Variants in LRRC20 observed in about 807,000 individuals in gnomAD.
LRRC20 encodes leucine rich repeat containing 20.
LRRC20 carries 11 observed loss-of-function variants against 14.4 expected under a neutral mutation model. The observed-to-expected ratio is 0.77, with a 90% CI of 0.48 to 1.27. LRRC20 has a LOEUF of 1.27. Ranked by LOEUF, LRRC20 falls within the 50% of genes most tolerant of loss-of-function variation. LRRC20 has a pLI of 0.00. For synonymous variants in LRRC20, 121 were observed against 107.3 expected (o/e 1.13, Z -0.79); for missense variants, 219 against 251.2 (o/e 0.87, Z 0.87).
chr10:70,364,339 T>A (rs1012996669), intron 2 of LRRC20, among the ~76,000 whole-genome samples: 2 of 152,214 alleles, frequency 1.3e-5, no homozygotes, highest in Admixed American at 6.5e-5. Flanking sequence ...GCTAGAGCGA[T>A]GTCTGCCTCC....
intron 1 of LRRC20, chr10:70,381,927 G>C (rs1189352395): frequency 6.6e-6 from 1 of 152,246 alleles, no homozygotes; most frequent in Non-Finnish European, 1.5e-5. Context: ...CACTACGCGC[G>C]GTAGCCAGGC....
chr10:70,364,069 T>C (rs1247571631), intron 2 of LRRC20, among the ~76,000 whole-genome samples: 3 of 152,240 alleles, frequency 2.0e-5, no homozygotes, highest in African/African-American at 4.8e-5. Context: ...CCCAGCCATC[T>C]GGGAGCTGCT....
At position 70,300,890 on chromosome 10, in the gene LRRC20, T is replaced by A. The variant is rs1841149589; in HGVS notation, c.*464A>T. On this transcript the variant is annotated 3_prime_UTR_variant, in exon 5 of 5. Transcript: ENST00000446961. Reference sequence around the variant, plus strand: ...GGAAGCAATAAATAGATGGAGGTTGTCTTCTCTTCTCAGGGCAGCAACTGG... The same window carrying A: ...GGAAGCAATAAATAGATGGAGGTTGACTTCTCTTCTCAGGGCAGCAACTGG... 5.1e-6 allele frequency: 5 copies of A among 987,928 alleles called. No homozygotes were observed. The highest frequency in any genetic ancestry group is 6.0e-6 in the Non-Finnish European group (5 of 831,782). 61.2% of individuals were successfully genotyped at this position (987,928 alleles called of 1,614,324 possible).
chr10:70,317,353 TCTC>T (rs1564615740), intron 4 of LRRC20, among the ~76,000 whole-genome samples: 1 of 151,378 alleles, frequency 6.6e-6, no homozygotes, highest in East Asian at 1.9e-4. Flanking sequence ...CTTTTTTCCC[TCTC>T]TCTTTTTTTT....
chr10:70,308,070 G>A lies in LRRC20; in HGVS notation c.401-6562C>T, dbSNP rs369228992. On this transcript the variant is annotated intron_variant, in intron 4 of 4. Coordinates refer to ENST00000446961, the MANE Select transcript of LRRC20 (RefSeq NM_001278212.2). ...TCGGCTCACATAGAAAGGAACAAGG[G>A]TTGAGCCTCAGATGTCTCCTAAAAG... is the stretch of plus-strand genomic sequence containing the variant. 1.7e-4 allele frequency among the ~76,000 whole-genome samples: 26 copies of A among 152,272 alleles called. No individual in the cohort carries two copies. The South Asian group carries it at 4.4e-3, about 26-fold the overall frequency.
At chr10:70,344,112 A>T (rs4746027) in intron 2 of LRRC20, among the ~76,000 whole-genome samples, 1 of 151,826 alleles carries the variant, frequency 6.6e-6, no homozygotes, top group Non-Finnish European at 1.5e-5. Flanking sequence ...AAGTGGGAAG[A>T]AGATCGCTTG....
intron 2 of LRRC20, among the ~76,000 whole-genome samples, chr10:70,347,178 T>C (rs541722261): frequency 1.3e-5 from 2 of 152,184 alleles, no homozygotes; most frequent in Admixed American, 1.3e-4. Flanking sequence ...TTGGAAAAAA[T>C]AACCTGGCAA....
At chr10:70,303,067 T>A (rs1841277680) in intron 4 of LRRC20, among the ~76,000 whole-genome samples, 1 of 152,156 alleles carries the variant, frequency 6.6e-6, no homozygotes, top group African/African-American at 2.4e-5. Flanking sequence ...TATATATATT[T>A]TATCACAATT....
chr10:70,335,661 A>G (rs1259641212), intron 3 of LRRC20, among the ~76,000 whole-genome samples: 1 of 151,562 alleles, frequency 6.6e-6, no homozygotes, highest in South Asian at 2.1e-4. Context: ...TCCCCTCCCA[A>G]CCTCCCAGAA....
chr10:70,336,320 AAAC>A (rs1197134064), intron 3 of LRRC20, among the ~76,000 whole-genome samples: 6 of 152,172 alleles, frequency 3.9e-5, no homozygotes, highest in Admixed American at 6.5e-5. Flanking sequence ...CCAAATATAA[AAAC>A]AGAACTCCAC....
rs12247921 is a variant in LRRC20, at chr10:70,332,255, T to C, written c.233-8225A>G. Among the ~76,000 whole-genome samples the C allele has an allele frequency of 9.6e-3, 1,461 of 152,300 alleles. 22 individuals are homozygous for C. Among genetic ancestry groups the C allele is most frequent in the African/African-American group, 0.033 (1,388 of 41,556 alleles). ...GGGCATTTCCAGATGCCACACTCAC[T>C]CCTTGGGGGTGGACAAGGGGAAGGG... On this transcript the variant is annotated intron_variant, in intron 3 of 4. Coordinates refer to ENST00000446961, the MANE Select transcript of LRRC20 (RefSeq NM_001278212.2).
intron 2 of LRRC20, among the ~76,000 whole-genome samples, chr10:70,369,641 T>C: frequency 7.8e-6 from 1 of 128,556 alleles, no homozygotes; most frequent in African/African-American, 2.9e-5. Context: ...AAACCATACA[T>C]ACACACTGGA....
At chr10:70,368,361 G>A (rs903830594) in intron 2 of LRRC20, among the ~76,000 whole-genome samples, 1 of 151,710 alleles carries the variant, frequency 6.6e-6, no homozygotes, top group African/African-American at 2.4e-5. Context: ...GTTTCACTGT[G>A]TTAGCCAGGA....
intron 2 of LRRC20, among the ~76,000 whole-genome samples, chr10:70,360,525 C>G (rs1003724226): frequency 6.6e-6 from 1 of 152,208 alleles, no homozygotes; most frequent in Admixed American, 6.5e-5. Flanking sequence ...CAACCTAGAC[C>G]TCTCAGGCTC....
At chr10:70,378,416 G>A (rs1844585742) in intron 1 of LRRC20, among the ~76,000 whole-genome samples, 1 of 151,820 alleles carries the variant, frequency 6.6e-6, no homozygotes, top group Admixed American at 6.6e-5. Context: ...GCCTAGGCGG[G>A]TGGATCACTT....
At chr10:70,307,901 G>T (rs1372896512) in intron 4 of LRRC20, among the ~76,000 whole-genome samples, 1 of 152,260 alleles carries the variant, frequency 6.6e-6, no homozygotes, top group African/African-American at 2.4e-5. Context: ...AGCAACATGT[G>T]TCCAGCTAGT....
intron 2 of LRRC20, among the ~76,000 whole-genome samples, chr10:70,341,565 C>T (rs10823523): frequency 0.25 from 37,352 of 151,798 alleles, 4,739 homozygotes; most frequent in East Asian, 0.38. Flanking sequence ...GCCAGGAGTT[C>T]GAGACCAGCC....
intron 4 of LRRC20, among the ~76,000 whole-genome samples, chr10:70,305,392 G>A (rs1188883252): frequency 1.3e-5 from 2 of 151,996 alleles, no homozygotes; most frequent in East Asian, 3.9e-4. Context: ...CCAGATGTAT[G>A]AGACCCCCAC....
intron 2 of LRRC20, among the ~76,000 whole-genome samples, chr10:70,348,239 C>T (rs1564633184): frequency 6.6e-6 from 1 of 152,096 alleles, no homozygotes; most frequent in Non-Finnish European, 1.5e-5. Context: ...ATGCAAACAC[C>T]CCTCATCCCA....
Sources: allele counts gnomAD v4.1 joint callset (sites outside exome capture counted in the v4.1 genomes callset), GRCh38; gene constraint gnomAD v4.1.1; transcripts MANE v1.5; gene names NCBI Gene and HGNC (gene_info 2026-07-23, HGNC 2026-07-21).